The following CTNNA2 variants were observed in gnomAD, a reference collection of about 807,000 sequenced individuals.
The protein encoded by CTNNA2 is catenin alpha-2.
CTNNA2 carries 42 observed loss-of-function variants against 101.0 expected under a neutral mutation model. The observed-to-expected ratio is 0.42, with a 90% CI of 0.32 to 0.54. The LOEUF is 0.54. Ranked by LOEUF, CTNNA2 falls within the 20% of genes least tolerant of loss-of-function variation. The pLI, the probability that CTNNA2 is intolerant of heterozygous loss-of-function variation, is 0.14. For synonymous variants in CTNNA2, 450 were observed against 456.4 expected, an observed-to-expected ratio of 0.99 and a Z score of 0.18; for missense variants, 871 against 1,223.1, an observed-to-expected ratio of 0.71 and a Z score of 4.29.
chr2:79,488,337 A>AC (rs1423101275), intron 4 of CTNNA2, among the ~76,000 whole-genome samples: 1 of 151,056 alleles, frequency 6.6e-6, no homozygotes, highest in Non-Finnish European at 1.5e-5. Flanking sequence ...AAAAAAAAAA[A>AC]AAAAAACACA....
At chr2:79,624,476 T>C (rs1486476587) in intron 1 of CTNNA2, among the ~76,000 whole-genome samples, 1 of 152,072 alleles carries the variant, frequency 6.6e-6, no homozygotes, top group Non-Finnish European at 1.5e-5. Flanking sequence ...GAGAAAGGTT[T>C]GGAAAATATG....
intron 3 of CTNNA2, among the ~76,000 whole-genome samples, chr2:79,807,204 T>G (rs1170747481): frequency 1.3e-5 from 2 of 152,198 alleles, no homozygotes; most frequent in African/African-American, 4.8e-5. Context: ...GAATTATTTT[T>G]CTTTTGTGTT....
At chr2:79,250,587 G>GT (rs1417143479) in intron 2 of CTNNA2, among the ~76,000 whole-genome samples, 1 of 152,280 alleles carries the variant, frequency 6.6e-6, no homozygotes, top group Non-Finnish European at 1.5e-5. Flanking sequence ...CTGGATTTGC[G>GT]TAAGAATGGC....
Position 79,810,676 on chromosome 2 carries a change from C to G in CTNNA2, c.299-47337C>G, listed in dbSNP as rs55803051. On this transcript the variant is annotated intron_variant, in intron 3 of 18. Coordinates refer to ENST00000402739, the MANE Select transcript of CTNNA2 (RefSeq NM_001282597.3). ...ATATCTCCTAATGCTATACCTCCCC[C>G]CTCCCCCCACTCCACAACAGGCCCT... 2.6e-5 allele frequency among the ~76,000 whole-genome samples: 4 copies of G among 151,480 alleles called. No individual in the cohort carries two copies. In the South Asian group the frequency reaches 8.3e-4, roughly 32 times the overall value.
At chr2:79,537,080 TCTCCTCAGTGTCTCTGCC>T (rs1673120649) in intron 1 of CTNNA2, among the ~76,000 whole-genome samples, 2 of 152,156 alleles carry the variant, frequency 1.3e-5, no homozygotes, top group South Asian at 4.1e-4. Flanking sequence ...TTGCCTGTTC[TCTCCTCAGTGTCTCTGCC>T]CTTTTTATTT....
At chr2:80,155,222 G>A (rs1259699562) in intron 7 of CTNNA2, among the ~76,000 whole-genome samples, 1 of 152,168 alleles carries the variant, frequency 6.6e-6, no homozygotes, top group Admixed American at 6.5e-5. Context: ...AGAAAGCTCA[G>A]GGGTCCTTGG....
intron 7 of CTNNA2, among the ~76,000 whole-genome samples, chr2:80,350,672 A>G (rs58560855): frequency 0.27 from 41,508 of 152,024 alleles, 6,228 homozygotes; most frequent in East Asian, 0.5. Flanking sequence ...AAAATTAAAT[A>G]AATGAATGTG....
At position 79,503,548 on chromosome 2, in the gene CTNNA2, A is replaced by G. The variant is rs537837826; in HGVS notation, c.-134-1506A>G. Among the ~76,000 whole-genome samples the G allele has an allele frequency of 5.6e-4, 86 of 152,338 alleles. No homozygotes were observed. In the Middle Eastern group the frequency reaches 0.01, roughly 18 times the overall value. On this transcript the variant is annotated intron_variant, in intron 4 of 21. Coordinates refer to the CTNNA2 transcript ENST00000466387. ...TAGAAGCAGCTGCCTTAACAGAAAC[A>G]TAAAATGCCCTACTGACATATTAGA... is the stretch of plus-strand genomic sequence containing the variant.
chr2:79,621,059 C>A (rs1342668071), intron 1 of CTNNA2, among the ~76,000 whole-genome samples: 1 of 152,150 alleles, frequency 6.6e-6, no homozygotes, highest in Non-Finnish European at 1.5e-5. Flanking sequence ...TGGTGACCCT[C>A]ATTGACTGCA....
At chr2:80,615,519 T>C (rs898260075) in intron 17 of CTNNA2, among the ~76,000 whole-genome samples, 7 of 148,672 alleles carry the variant, frequency 4.7e-5, no homozygotes, top group Admixed American at 1.4e-4. Context: ...CTTGTGTTTT[T>C]ATTAGACTGT....
At chr2:80,480,626 A>G (rs1013954348) in intron 9 of CTNNA2, among the ~76,000 whole-genome samples, 33 of 152,228 alleles carry the variant, frequency 2.2e-4, no homozygotes, top group Admixed American at 7.2e-4. Flanking sequence ...TTTTCAATCC[A>G]GGGCTTATGT....
intron 2 of CTNNA2, among the ~76,000 whole-genome samples, chr2:79,668,270 A>AAC (rs1682582283): frequency 6.9e-6 from 1 of 145,702 alleles, no homozygotes; most frequent in African/African-American, 2.5e-5. Flanking sequence ...AAAAAAAAAA[A>AAC]AAAACTTGAA....
chr2:79,243,906 AG>A (rs1674665488), intron 2 of CTNNA2, among the ~76,000 whole-genome samples: 1 of 152,152 alleles, frequency 6.6e-6, no homozygotes, highest in Non-Finnish European at 1.5e-5. Flanking sequence ...TGTCTCTGAT[AG>A]TTCCGTGTTC....
chr2:79,729,581 A>G (rs1279866877), intron 2 of CTNNA2, among the ~76,000 whole-genome samples: 2 of 152,192 alleles, frequency 1.3e-5, no homozygotes, highest in Non-Finnish European at 2.9e-5. Flanking sequence ...ATCCTGAATT[A>G]GAAAATGAGC....
In CTNNA2 at chr2:80,285,911, A is replaced by AT. The variant is rs1280119237; in HGVS notation, c.1057-107294dup. Among the ~76,000 whole-genome samples the AT allele has an allele frequency of 1.4e-4, 21 of 152,126 alleles. No individual in the cohort carries two copies. In the East Asian group the frequency reaches 2.5e-3, roughly 18 times the overall value. ...GTAAAAACATTTCACTTGCCTTTTTATTTTTTCTTTTCAAAATTGCATCTA... is the reference window on the plus strand; with the variant it reads ...GTAAAAACATTTCACTTGCCTTTTTATTTTTTTCTTTTCAAAATTGCATCTA... On this transcript the variant is annotated intron_variant, in intron 7 of 18. Transcript: ENST00000402739.
intron 9 of CTNNA2, among the ~76,000 whole-genome samples, chr2:80,431,014 A>G (rs1190450965): frequency 6.6e-6 from 1 of 152,156 alleles, no homozygotes; most frequent in Non-Finnish European, 1.5e-5. Flanking sequence ...ATGATGTGGT[A>G]TGTAAGAGCA....
At chr2:79,203,715 G>T (rs11680157) in intron 2 of CTNNA2, among the ~76,000 whole-genome samples, 9,559 of 152,270 alleles carry the variant, frequency 0.063, 384 homozygotes, top group East Asian at 0.15. Context: ...CTTCAGGGCC[G>T]CCTTTTCTTT....
chr2:80,642,915 C>T (rs1274677408), intron 18 of CTNNA2, among the ~76,000 whole-genome samples: 1 of 151,998 alleles, frequency 6.6e-6, no homozygotes, highest in Non-Finnish European at 1.5e-5. Flanking sequence ...GAACAGAAAT[C>T]TTTTAGAAGT....
At chr2:79,607,912 A>T (rs562270121) in intron 1 of CTNNA2, among the ~76,000 whole-genome samples, 19 of 152,168 alleles carry the variant, frequency 1.2e-4, no homozygotes, top group African/African-American at 3.9e-4. Context: ...AAAAATAATC[A>T]AAGTGGAAAT....
Sources: allele counts gnomAD v4.1 joint callset (sites outside exome capture counted in the v4.1 genomes callset), GRCh38; gene constraint gnomAD v4.1.1; transcripts MANE v1.5; gene names NCBI Gene and HGNC (gene_info 2026-07-23, HGNC 2026-07-21).